Variants in ABCC2 observed in about 807,000 individuals in gnomAD.
ABCC2 encodes the protein ATP-binding cassette sub-family C member 2.
In ABCC2, 157 loss-of-function variants were observed where a neutral mutation model predicts 173.4. The observed-to-expected ratio is 0.91, with a 90% CI of 0.80 to 1.03. The LOEUF is 1.03. ABCC2 is among the 50% of genes least tolerant of loss of function. The pLI is 0.00. For synonymous variants in ABCC2, 657 were observed against 693.5 expected, an observed-to-expected ratio of 0.95 and a Z score of 0.83; for missense variants, 1,822 against 1,852.3, an observed-to-expected ratio of 0.98 and a Z score of 0.30.
At chr10:99,830,986 T>A in intron 21 of ABCC2, 135 bp downstream of exon 21, 1 of 969,310 alleles carries the variant, frequency 1.0e-6, no homozygotes. Flanking sequence ...TTCAGACTCA[T>A]TATTAACCTG....
Position 99,799,373 on chromosome 10 carries a change from G to C in ABCC2, c.1031+3G>C. 6.2e-7 allele frequency: 1 copy of C among 1,614,070 alleles called. No homozygotes were observed. The highest frequency in any genetic ancestry group is 8.5e-7 in the Non-Finnish European group (1 of 1,179,984). On this transcript the variant is annotated splice_donor_region_variant and intron_variant, in intron 8 of 31. Coordinates refer to ENST00000647814, the MANE Select transcript of ABCC2 (RefSeq NM_000392.5). ...TTTGTGAGTCCTCAGCTGCTGAAGT[G>C]AGTCTCCAGGCCTCAGATGGTCCTT... is the stretch of plus-strand genomic sequence containing the variant.
intron 26 of ABCC2, among the ~76,000 whole-genome samples, chr10:99,842,666 T>C (rs1015804343): frequency 6.6e-6 from 1 of 152,174 alleles, no homozygotes; most frequent in African/African-American, 2.4e-5. Context: ...AATGAGTCAT[T>C]TGACCATCTT....
At chr10:99,811,441 C>T in intron 14 of ABCC2, 95 bp from the exon 15 acceptor site, 1 of 1,261,226 alleles carries the variant, frequency 7.9e-7, no homozygotes, top group Non-Finnish European at 1.2e-6. Flanking sequence ...CAGAAACAAT[C>T]CTAGGAGCTG....
chr10:99,830,880 G>C (rs2038727248), intron 21 of ABCC2, 29 bp downstream of exon 21: 1 of 1,613,134 alleles, frequency 6.2e-7, no homozygotes, highest in Non-Finnish European at 8.5e-7. Context: ...AGTAGCATTT[G>C]AGGTGTTATA....
intron 24 of ABCC2, 62 bp from the exon 25 acceptor site, chr10:99,836,029 G>C: frequency 6.5e-7 from 1 of 1,542,308 alleles, no homozygotes; most frequent in Non-Finnish European, 8.9e-7. Context: ...GGCCAGAAAG[G>C]AGGAAGATGG....
chr10:99,819,902 C>T (rs765411191), intron 19 of ABCC2, among the ~76,000 whole-genome samples: 4 of 152,220 alleles, frequency 2.6e-5, no homozygotes, highest in African/African-American at 4.8e-5. Context: ...TTCCCAAGGA[C>T]CTGCCAACAG....
rs531309345 is a variant in ABCC2 at position 99,787,206 on chromosome 10, T to C, written c.207+2425T>C. Among the ~76,000 whole-genome samples the C allele has an allele frequency of 1.5e-3, 229 of 152,222 alleles. 2 individuals are homozygous for C. Among genetic ancestry groups the C allele is most frequent in the African/African-American group, 5.1e-3 (210 of 41,560 alleles). On this transcript the variant is annotated intron_variant, in intron 2 of 31. Coordinates refer to ENST00000647814, the MANE Select transcript of ABCC2 (RefSeq NM_000392.5). Reference sequence around the variant, plus strand: ...TTTTTTCAGTATATTAACACATATGTGCAACCATCACCACAGTCAATTTTA... The same window carrying C: ...TTTTTTCAGTATATTAACACATATGCGCAACCATCACCACAGTCAATTTTA...
intron 2 of ABCC2, among the ~76,000 whole-genome samples, chr10:99,790,240 T>C (rs1313307516): frequency 1.3e-5 from 2 of 152,226 alleles, no homozygotes; most frequent in Non-Finnish European, 2.9e-5. Flanking sequence ...TGTTTGCTAA[T>C]TGGTTAGGCA....
intron 23 of ABCC2, 25 bp from the exon 24 acceptor site, chr10:99,834,355 G>C (rs372147483): frequency 6.2e-7 from 1 of 1,613,226 alleles, no homozygotes; most frequent in Non-Finnish European, 8.5e-7. Flanking sequence ...CAGTGATGGT[G>C]TATCTCTCCT....
At chr10:99,831,516 G>A (rs1444044995) in intron 21 of ABCC2, 95 bp from the exon 22 acceptor site, 10 of 1,244,568 alleles carry the variant, frequency 8.0e-6, no homozygotes, top group East Asian at 4.6e-5. Flanking sequence ...CATGCTCCCA[G>A]GGGACTCCAC....
intron 24 of ABCC2, among the ~76,000 whole-genome samples, chr10:99,834,867 A>C (rs1465371220): frequency 6.6e-6 from 1 of 152,208 alleles, no homozygotes; most frequent in Non-Finnish European, 1.5e-5. Context: ...GCTCCATAAG[A>C]ACCCCCATGA....
chr10:99,836,054 C>T (rs1373042671), intron 24 of ABCC2, 37 bp from the exon 25 acceptor site: 2 of 1,605,766 alleles, frequency 1.2e-6, no homozygotes, highest in South Asian at 2.2e-5. Flanking sequence ...TGCCTCATGA[C>T]TGCGGGACTG....
At chr10:99,816,029 C>T (rs1473454308) in intron 16 of ABCC2, among the ~76,000 whole-genome samples, 1 of 148,016 alleles carries the variant, frequency 6.8e-6, no homozygotes, top group Non-Finnish European at 1.5e-5. Context: ...AGTGCAGTGG[C>T]GTGATCTCGG....
At chr10:99,794,875 C>T (rs925091501) in intron 6 of ABCC2, among the ~76,000 whole-genome samples, 4 of 152,190 alleles carry the variant, frequency 2.6e-5, no homozygotes, top group Admixed American at 2.6e-4. Flanking sequence ...CTCCTGTGAC[C>T]TCCATTTCTC....
intron 11 of ABCC2, among the ~76,000 whole-genome samples, chr10:99,806,204 T>A (rs932616813): frequency 2.6e-5 from 4 of 152,076 alleles, no homozygotes; most frequent in Non-Finnish European, 5.9e-5. Context: ...TTGATTTATA[T>A]TTGATTTGGG....
intron 2 of ABCC2, among the ~76,000 whole-genome samples, chr10:99,787,903 A>G (rs570012638): frequency 2.0e-5 from 3 of 152,158 alleles, no homozygotes; most frequent in Non-Finnish European, 2.9e-5. Flanking sequence ...CTCTACAAAA[A>G]ATTAAAAAAA....
chr10:99,794,636 C>T, intron 6 of ABCC2, 168 bp downstream of exon 6: 1 of 629,356 alleles, frequency 1.6e-6, no homozygotes, highest in Non-Finnish European at 2.7e-6. Context: ...CCTCCACCTC[C>T]TGGGTTCAAG....
At position 99,814,460 on chromosome 10, in the gene ABCC2, TAC is replaced by T. The variant is rs1225796699; in HGVS notation, c.2094+1322_2094+1323del. Among the ~76,000 whole-genome samples, 2 of 64,518 alleles carry T rather than the reference TAC, an allele frequency of 3.1e-5. 1 individual carries two copies. Among genetic ancestry groups the T allele is most frequent in the African/African-American group, 1.6e-4 (2 of 12,298 alleles). The allele number at this position is 64,518 out of a possible 152,430, so 42.3% of individuals were successfully genotyped here. A position where few individuals can be genotyped will look rare whatever the true frequency, so the allele number is the denominator to read the frequency against. On this transcript the variant is annotated intron_variant, in intron 16 of 31. Coordinates refer to ENST00000647814, the MANE Select transcript of ABCC2 (RefSeq NM_000392.5). ...ATACACACATATGTGTGTATATACA[TAC>T]ACACATATGTGTGTATATACATACA...
chr10:99,806,444 T>C (rs1370809469), intron 11 of ABCC2, among the ~76,000 whole-genome samples: 1 of 152,190 alleles, frequency 6.6e-6, no homozygotes, highest in Non-Finnish European at 1.5e-5. Flanking sequence ...ACCATTGAAA[T>C]TGGACTCTGG....
Sources: allele counts gnomAD v4.1 joint callset (sites outside exome capture counted in the v4.1 genomes callset), GRCh38; gene constraint gnomAD v4.1.1; transcripts MANE v1.5; gene names NCBI Gene and HGNC (gene_info 2026-07-23, HGNC 2026-07-21).